EVC2: variants seen among roughly 807,000 people sequenced by gnomAD.
EVC2 encodes the protein EvC ciliary complex subunit 2, also known as limbin.
EVC2 carries 148 observed loss-of-function variants against 149.3 expected under a neutral mutation model. That is an observed-to-expected ratio of 0.99 (90% confidence interval 0.87 to 1.14). The LOEUF (loss-of-function observed/expected upper bound fraction) is 1.14. Among genes scored for constraint, EVC2 ranks in the 50% most tolerant of loss-of-function variants. The pLI, the probability that EVC2 is intolerant of heterozygous loss-of-function variation, is 0.00. For synonymous variants in EVC2, 776 were observed against 649.9 expected, an observed-to-expected ratio of 1.19 and a Z score of -2.95; for missense variants, 1,854 against 1,627.3, an observed-to-expected ratio of 1.14 and a Z score of -2.40.
chr4:5,591,027 C>T (rs1712748245), intron 16 of EVC2, among the ~76,000 whole-genome samples: 1 of 152,120 alleles, frequency 6.6e-6, no homozygotes, highest in Non-Finnish European at 1.5e-5. Flanking sequence ...GATTAAGTTA[C>T]CTCTCACTAG....
chr4:5,643,662 TGTAATCC>T (rs1424768379), intron 9 of EVC2, among the ~76,000 whole-genome samples: 6 of 152,220 alleles, frequency 3.9e-5, no homozygotes, highest in Non-Finnish European at 8.8e-5. Context: ...GGCTCACACC[TGTAATCC>T]CAGCACTTTG....
At chr4:5,707,019 T>G (rs1342103635) in intron 1 of EVC2, among the ~76,000 whole-genome samples, 1 of 152,146 alleles carries the variant, frequency 6.6e-6, no homozygotes, top group Non-Finnish European at 1.5e-5. Context: ...CCAGGATTTC[T>G]GACACTGGCT....
At chr4:5,702,731 C>G (rs1003216396) in intron 1 of EVC2, among the ~76,000 whole-genome samples, 2 of 152,200 alleles carry the variant, frequency 1.3e-5, no homozygotes, top group African/African-American at 4.8e-5. Context: ...TAAATTCGCA[C>G]AGAAATCTTG....
chr4:5,698,511 A>C (rs1333156023), intron 1 of EVC2, among the ~76,000 whole-genome samples: 1 of 152,204 alleles, frequency 6.6e-6, no homozygotes, highest in Non-Finnish European at 1.5e-5. Context: ...AAATTTGTCT[A>C]AACTGAGCCT....
intron 16 of EVC2, among the ~76,000 whole-genome samples, chr4:5,596,081 G>A (rs1300703077): frequency 1.3e-5 from 2 of 152,138 alleles, no homozygotes; most frequent in African/African-American, 2.4e-5. Flanking sequence ...AGTCCTCAGT[G>A]ACCTACAAAG....
At chr4:5,539,152 G>A (rs549897161), downstream of EVC2, among the ~76,000 whole-genome samples, 1 of 152,106 alleles carries the variant, frequency 6.6e-6, no homozygotes, top group East Asian at 1.9e-4. Flanking sequence ...CTATGATTTA[G>A]TAATAAAAAA....
At chr4:5,531,364 A>G in the EVC2 span, among the ~76,000 whole-genome samples, 4 of 152,180 alleles carry the variant, frequency 2.6e-5, no homozygotes, top group South Asian at 8.3e-4. Flanking sequence ...CATATAACCT[A>G]CAGCACATCC....
At chr4:5,533,726 C>A in the EVC2 span, among the ~76,000 whole-genome samples, 2 of 152,166 alleles carry the variant, frequency 1.3e-5, no homozygotes, top group Non-Finnish European at 2.9e-5. Context: ...AGAAAGCTGA[C>A]TGCCACAGCC....
chr4:5,629,886 C>G (rs1166753925), intron 11 of EVC2, among the ~76,000 whole-genome samples: 1 of 152,226 alleles, frequency 6.6e-6, no homozygotes, highest in Non-Finnish European at 1.5e-5. Context: ...TAAATACTCT[C>G]ATAGCTCTGG....
At position 5,708,528 on chromosome 4, in the gene EVC2, CG is replaced by C; in HGVS notation, c.-16del. Reference sequence around the variant, plus strand: ...GAGGGGTCCATCGCCTGTCGGGACCCGCTACCTCAAAGCGGCGGGTGCCGCC... The same window carrying C: ...GAGGGGTCCATCGCCTGTCGGGACCCCTACCTCAAAGCGGCGGGTGCCGCC... On this transcript the variant is annotated 5_prime_UTR_variant, in exon 1 of 22. Transcript: ENST00000344408. The C allele has an allele frequency of 7.0e-7, 1 of 1,433,744 alleles. No individual in the cohort carries two copies. Among genetic ancestry groups the C allele is most frequent in the Non-Finnish European group, 9.1e-7 (1 of 1,100,324 alleles). The allele number at this position is 1,433,744 out of a possible 1,614,324, so 88.8% of individuals were successfully genotyped here.
chr4:5,652,387 C>T (rs961001403), intron 9 of EVC2, among the ~76,000 whole-genome samples: 1 of 152,218 alleles, frequency 6.6e-6, no homozygotes, highest in East Asian at 1.9e-4. Flanking sequence ...AGGACAGACG[C>T]ACCCTCCGGG....
At chr4:5,541,421 G>C (rs139555421), downstream of EVC2, among the ~76,000 whole-genome samples, 16 of 152,330 alleles carry the variant, frequency 1.1e-4, no homozygotes, top group African/African-American at 3.8e-4. Flanking sequence ...AAAGAACGGG[G>C]TCAGGCAGGT....
At chr4:5,556,002 A>C (rs1277044980) in intron 21 of EVC2, among the ~76,000 whole-genome samples, 2 of 151,890 alleles carry the variant, frequency 1.3e-5, no homozygotes, top group African/African-American at 4.8e-5. Context: ...ACATAGTGAA[A>C]TCCCATCTCT....
chr4:5,590,764 G>A (rs553604596), intron 16 of EVC2, among the ~76,000 whole-genome samples: 4 of 152,092 alleles, frequency 2.6e-5, no homozygotes, highest in Non-Finnish European at 4.4e-5. Context: ...CATGAGACCT[G>A]TATTAGTCCA....
intron 19 of EVC2, among the ~76,000 whole-genome samples, chr4:5,573,883 G>A (rs771797214): frequency 3.9e-5 from 6 of 152,186 alleles, no homozygotes; most frequent in Non-Finnish European, 8.8e-5. Flanking sequence ...CAGGTTGCGA[G>A]GGAAACCTGC....
chr4:5,653,964 A>C (rs1043628158), intron 9 of EVC2, among the ~76,000 whole-genome samples: 1 of 152,208 alleles, frequency 6.6e-6, no homozygotes, highest in African/African-American at 2.4e-5. Context: ...CTGTAATCCC[A>C]GCACTTTGGG....
chr4:5,639,154 C>A (rs1394320899), intron 10 of EVC2, among the ~76,000 whole-genome samples: 3 of 152,080 alleles, frequency 2.0e-5, no homozygotes, highest in Non-Finnish European at 2.9e-5. Context: ...GAGTTGTTAA[C>A]AAGAGAGCTG....
intron 16 of EVC2, among the ~76,000 whole-genome samples, chr4:5,595,800 C>T (rs1713349525): frequency 6.6e-6 from 1 of 152,224 alleles, no homozygotes; most frequent in Admixed American, 6.5e-5. Context: ...CAAGACCCAT[C>T]TGTGTGCTGT....
rs114229470 is a variant in EVC2 at position 5,655,723 on chromosome 4, C to A, written c.1145+7384G>T. Among the ~76,000 whole-genome samples, 394 of 138,116 alleles carry A rather than the reference C, an allele frequency of 2.9e-3. 3 individuals carry two copies. Among genetic ancestry groups the A allele is most frequent in the African/African-American group, 0.01 (370 of 36,000 alleles). 90.6% of individuals were successfully genotyped at this position (138,116 alleles called of 152,430 possible). ...CCCTGGCATGGACCAAATACTTAAT[C>A]CACATGTAAAAAAAAAAAATGGAAG... On this transcript the variant is annotated intron_variant, in intron 9 of 21. Transcript: ENST00000344408.
Sources: gnomAD v4.1 joint callset for allele counts (sites outside exome capture counted in the v4.1 genomes callset) on GRCh38, gnomAD v4.1.1 for gene constraint, MANE v1.5 for transcripts, NCBI Gene and HGNC (gene_info 2026-07-23, HGNC 2026-07-21) for gene names.